PTPN4: variants seen among roughly 807,000 people sequenced by gnomAD.
PTPN4 encodes the protein protein tyrosine phosphatase non-receptor type 4.
A neutral mutation model predicts 135.5 loss-of-function variants in PTPN4; 49 were observed. The ratio of observed to expected loss-of-function variants is 0.36; its 90% CI spans 0.29 to 0.46. PTPN4 has a LOEUF of 0.46. PTPN4 is among the 20% of genes least tolerant of loss of function. The pLI, the probability that PTPN4 is intolerant of heterozygous loss-of-function variation, is 1.00. For missense variants in PTPN4, 860 were observed against 1,101.0 expected, an observed-to-expected ratio of 0.78 and a Z score of 3.10; for synonymous variants, 333 against 369.9, an observed-to-expected ratio of 0.90 and a Z score of 1.14.
intron 9 of PTPN4, 27 bp downstream of exon 9, chr2:119,885,909 T>C: frequency 1.4e-6 from 2 of 1,472,002 alleles, no homozygotes; most frequent in Non-Finnish European, 1.8e-6. Flanking sequence ...TACTTTGATG[T>C]TGTTGAGTTA....
chr2:119,882,554 A>T lies in PTPN4; in HGVS notation c.518A>T (p.Asp173Val). ...GAGAACTTGTCAGGCTACCTCTCAG[A>T]TTATTCTTTCATTCCTAATCAACCT... The part of the protein sequence containing the change: ...QSENLSGYLS[D>V]YSFIPNQPQD... Residue 173 changes from aspartate (D) to valine (V), a missense_variant, in exon 8 of 27, where the codon GAT becomes GTT. Physicochemically the swap from Asp to Val is radical, Grantham distance 152. Transcript: ENST00000263708. 3.2e-6 allele frequency: 5 copies of T among 1,556,240 alleles called. No homozygotes were observed. Among genetic ancestry groups the T allele is most frequent in the Non-Finnish European group, 4.4e-6 (5 of 1,141,494 alleles).
At chr2:119,949,705 T>C (rs370259388) in intron 18 of PTPN4, among the ~76,000 whole-genome samples, 5 of 152,202 alleles carry the variant, frequency 3.3e-5, no homozygotes, top group South Asian at 2.1e-4. Context: ...TCACCAGATA[T>C]GGTGGCACAC....
chr2:119,975,276 C>T (rs775755362), intron 26 of PTPN4, among the ~76,000 whole-genome samples: 3 of 152,138 alleles, frequency 2.0e-5, no homozygotes, highest in Admixed American at 6.5e-5. Context: ...CAGCACCCAC[C>T]CAATTTTTTT....
At chr2:119,912,536 G>T (rs976749785) in intron 10 of PTPN4, among the ~76,000 whole-genome samples, 2 of 152,156 alleles carry the variant, frequency 1.3e-5, no homozygotes, top group African/African-American at 4.8e-5. Context: ...AAGTTAATCA[G>T]TAAAACAGTA....
chr2:119,859,937 A>G (rs1179817404), intron 2 of PTPN4, among the ~76,000 whole-genome samples: 1 of 152,142 alleles, frequency 6.6e-6, no homozygotes, highest in East Asian at 1.9e-4. Context: ...TCCTTTTCCT[A>G]GAGAAAGCAG....
chr2:119,947,785 CACACACAT>C (rs1342215001), intron 18 of PTPN4, among the ~76,000 whole-genome samples: 1 of 151,656 alleles, frequency 6.6e-6, no homozygotes, highest in African/African-American at 2.4e-5. Flanking sequence ...CACACACACA[CACACACAT>C]CAGATTGTGA....
chr2:119,939,632 G>A (rs1387582500), intron 15 of PTPN4, among the ~76,000 whole-genome samples: 2 of 152,052 alleles, frequency 1.3e-5, no homozygotes, highest in Admixed American at 6.6e-5. Flanking sequence ...CCAGTTCCCC[G>A]AGCCATTCTT....
intron 9 of PTPN4, among the ~76,000 whole-genome samples, chr2:119,889,467 A>G (rs1242119834): frequency 6.6e-6 from 1 of 152,154 alleles, no homozygotes; most frequent in African/African-American, 2.4e-5. Flanking sequence ...CTGTAGTATC[A>G]GTTGCAGTGT....
intron 1 of PTPN4, among the ~76,000 whole-genome samples, chr2:119,799,162 A>G (rs1276229485): frequency 6.6e-6 from 1 of 152,194 alleles, no homozygotes; most frequent in Admixed American, 6.5e-5. Flanking sequence ...GGATGACTTA[A>G]TGTTCCTCTA....
chr2:119,790,993 G>A (rs147060759), intron 1 of PTPN4, among the ~76,000 whole-genome samples: 4 of 152,082 alleles, frequency 2.6e-5, no homozygotes, highest in East Asian at 1.9e-4. Context: ...CACACAAATT[G>A]CATCTTTATA....
intron 1 of PTPN4, among the ~76,000 whole-genome samples, chr2:119,774,993 A>C (rs989157439): frequency 6.6e-6 from 1 of 150,720 alleles, no homozygotes; most frequent in African/African-American, 2.4e-5. Context: ...CTCCAGCCTG[A>C]GCAACACAGC....
At position 119,980,280 on chromosome 2, in the gene PTPN4, T is replaced by G. The variant is rs1031281133; in HGVS notation, c.*3210T>G. ...TTGTGTGTTTATTTATATGTATATTTCACAAAGGCTAATGCCCACAGAGGA... is the reference window on the plus strand; with the variant it reads ...TTGTGTGTTTATTTATATGTATATTGCACAAAGGCTAATGCCCACAGAGGA... On this transcript the variant is annotated 3_prime_UTR_variant, in exon 27 of 27. Transcript: ENST00000263708. 2 of 152,130 alleles carry G rather than the reference T, an allele frequency of 1.3e-5. No individual in the cohort carries two copies. The highest frequency in any genetic ancestry group is 4.8e-5 in the African/African-American group (2 of 41,464). The allele number at this position is 152,130 out of a possible 1,614,324, so 9.4% of individuals were successfully genotyped here.
intron 2 of PTPN4, among the ~76,000 whole-genome samples, chr2:119,845,731 AACTT>A (rs1443046189): frequency 5.3e-5 from 8 of 151,998 alleles, no homozygotes; most frequent in East Asian, 1.9e-4. Context: ...TTTCTGCACT[AACTT>A]TTCTTTCTTT....
intron 2 of PTPN4, among the ~76,000 whole-genome samples, chr2:119,818,704 C>T (rs1677024328): frequency 6.6e-6 from 1 of 152,180 alleles, no homozygotes; most frequent in Admixed American, 6.5e-5. Context: ...TATTAAGTCC[C>T]TCTAAATAAT....
chr2:119,956,779 T>G, intron 20 of PTPN4, 65 bp from the exon 21 acceptor site: 1 of 1,575,824 alleles, frequency 6.3e-7, no homozygotes, highest in Non-Finnish European at 8.5e-7. Flanking sequence ...GAAACAAGTC[T>G]GGTAAACAAA....
intron 3 of PTPN4, among the ~76,000 whole-genome samples, chr2:119,872,435 T>G (rs1455420939): frequency 6.6e-6 from 1 of 152,212 alleles, no homozygotes; most frequent in East Asian, 1.9e-4. Context: ...AAATGGAATA[T>G]TTTACAGATG....
In PTPN4 at chr2:119,952,001, A is replaced by G; in HGVS notation, c.1685A>G (p.Glu562Gly). The stretch of plus-strand genomic sequence containing the variant: ...GACCTCTGTGTCCCTAGACTGAATG[A>G]AGGGGACCAAGTTGTACTGATCAAT... ...PADLCVPRLN[E>G]GDQVVLINGR... Residue 562 changes from glutamate to glycine, a missense_variant, in exon 19 of 27, where the codon GAA (glutamate) becomes GGA (glycine). Transcript: ENST00000263708. 1 of 1,613,144 alleles carries G rather than the reference A, an allele frequency of 6.2e-7. No homozygotes were observed. Among genetic ancestry groups the G allele is most frequent in the Non-Finnish European group, 8.5e-7 (1 of 1,179,286 alleles).
chr2:119,944,456 C>T (rs1054477385), intron 15 of PTPN4, among the ~76,000 whole-genome samples: 2 of 152,154 alleles, frequency 1.3e-5, no homozygotes, highest in African/African-American at 2.4e-5. Flanking sequence ...TCATATCTAG[C>T]TCTTTTTATC....
rs1331558568 is a variant in PTPN4 at position 119,932,657 on chromosome 2, T to C, written c.1196+108T>C. 4.6e-6 allele frequency: 6 copies of C among 1,301,196 alleles called. No individual in the cohort carries two copies. The South Asian group carries it at 9.0e-5, about 19-fold the overall frequency. The allele number at this position is 1,301,196 out of a possible 1,614,324, so 80.6% of individuals were successfully genotyped here. On this transcript the variant is annotated intron_variant, in intron 14 of 26. Transcript: ENST00000263708. ...CAAAGATACGCAAAAATTGAATTCT[T>C]TTGGTGAAACATGATTTTTGTTGCT...
Sources: gnomAD v4.1 joint callset for allele counts (sites outside exome capture counted in the v4.1 genomes callset) on GRCh38, gnomAD v4.1.1 for gene constraint, MANE v1.5 for transcripts, NCBI Gene and HGNC (gene_info 2026-07-23, HGNC 2026-07-21) for gene names.